The following SMURF1 variants were observed in gnomAD, a reference collection of about 807,000 sequenced individuals.
The protein encoded by SMURF1 is SMAD specific E3 ubiquitin protein ligase 1.
In SMURF1, 44 loss-of-function variants were observed where a neutral mutation model predicts 98.0. That is an observed-to-expected ratio of 0.45 (90% CI 0.35 to 0.58). The LOEUF is 0.58. Ranked by LOEUF, SMURF1 falls within the 20% of genes least tolerant of loss-of-function variation. The probability of loss-of-function intolerance (pLI) is 0.00; values close to 1 mark genes in which losing one functional copy is unlikely to be tolerated. For synonymous variants in SMURF1, 396 were observed against 374.9 expected, an observed-to-expected ratio of 1.06 and a Z score of -0.65; for missense variants, 687 against 938.4, an observed-to-expected ratio of 0.73 and a Z score of 3.50.
intron 1 of SMURF1, among the ~76,000 whole-genome samples, chr7:99,133,450 T>C (rs1797918426): frequency 6.6e-6 from 1 of 151,280 alleles, no homozygotes; most frequent in Non-Finnish European, 1.5e-5. Context: ...AAAAAGAAAG[T>C]AGAACCACAA....
Position 99,052,195 on chromosome 7 carries a change from A to G in SMURF1, c.721+10T>C. The G allele has an allele frequency of 1.3e-6, 2 of 1,531,948 alleles. No homozygotes were observed. Among genetic ancestry groups the G allele is most frequent in the Non-Finnish European group, 1.8e-6 (2 of 1,137,420 alleles). The allele number at this position is 1,531,948 out of a possible 1,614,324, so 94.9% of individuals were successfully genotyped here. A position where few individuals can be genotyped will look rare whatever the true frequency, so the allele number is the denominator to read the frequency against. The stretch of plus-strand genomic sequence containing the variant: ...GATGGCATTGGCCACAGCAGGATAC[A>G]TTCTCTCACCGTAGCCTTCGGGCAG... On this transcript the variant is annotated intron_variant, in intron 7 of 17. Transcript: ENST00000361368.
chr7:99,136,070 C>T (rs550418085), intron 1 of SMURF1, among the ~76,000 whole-genome samples: 1 of 152,216 alleles, frequency 6.6e-6, no homozygotes, highest in Non-Finnish European at 1.5e-5. Context: ...GCGGCATATA[C>T]TTGCAGTCCC....
At chr7:99,096,324 T>C (rs552305335) in intron 1 of SMURF1, among the ~76,000 whole-genome samples, 44 of 152,216 alleles carry the variant, frequency 2.9e-4, no homozygotes, top group Non-Finnish European at 5.3e-4. Context: ...TGAGCTCAAC[T>C]AGGTCAATGC....
At chr7:99,040,677 G>A (rs1004822158) in intron 12 of SMURF1, 121 bp from the exon 13 acceptor site, 2 of 866,300 alleles carry the variant, frequency 2.3e-6, no homozygotes, top group Non-Finnish European at 3.1e-6. Context: ...TACTGACTCA[G>A]GGACTCACAG....
At position 99,065,157 on chromosome 7, in the gene SMURF1, G is replaced by T. The variant is rs563258567; in HGVS notation, c.56-3320C>A. On this transcript the variant is annotated intron_variant, in intron 1 of 17. Transcript: ENST00000361368. ...CGCCCAGGCTGGAGTGCAGTGGTGC[G>T]ATCACAGCTCACTGCAGCCTTGAGC... Among the ~76,000 whole-genome samples the T allele has an allele frequency of 4.0e-5, 6 of 151,494 alleles. No homozygotes were observed. In the East Asian group the frequency reaches 1.2e-3, roughly 29 times the overall value.
intron 1 of SMURF1, among the ~76,000 whole-genome samples, chr7:99,107,291 C>T (rs1797214533): frequency 6.6e-6 from 1 of 152,188 alleles, no homozygotes; most frequent in African/African-American, 2.4e-5. Context: ...TTATTTGTAA[C>T]TCAAAGGATA....
chr7:99,048,907 A>G (rs976643380), intron 9 of SMURF1: 1 of 152,328 alleles, frequency 6.6e-6, no homozygotes, highest in Non-Finnish European at 1.5e-5. Context: ...CCTGGCCAAC[A>G]TGGCAAAATC....
chr7:99,137,736 C>T (rs567497133), intron 1 of SMURF1, among the ~76,000 whole-genome samples: 2 of 152,348 alleles, frequency 1.3e-5, no homozygotes, highest in South Asian at 2.1e-4. Flanking sequence ...GAGTGGGGCG[C>T]GTCACCAGAC....
chr7:99,138,299 T>C (rs2150653969), intron 1 of SMURF1, among the ~76,000 whole-genome samples: 1 of 152,302 alleles, frequency 6.6e-6, no homozygotes, highest in East Asian at 1.9e-4. Flanking sequence ...AAACGCACAA[T>C]TCAGCTATTT....
chr7:99,074,444 T>G (rs1236996222), intron 1 of SMURF1, among the ~76,000 whole-genome samples: 2 of 152,172 alleles, frequency 1.3e-5, no homozygotes, highest in Non-Finnish European at 2.9e-5. Context: ...GATAGCCTTG[T>G]CTAGACTGGA....
Position 99,057,447 on chromosome 7 carries a change from T to C in SMURF1, c.308A>G (p.Asn103Ser), listed in dbSNP as rs143438168. The C allele has an allele frequency of 6.2e-7, 1 of 1,607,994 alleles. No homozygotes were observed. The change falls in exon 4 of 18, where the codon AAT (asparagine) becomes AGT (serine). Residue 103 changes from asparagine (N) to serine (S), a missense_variant. Asn to Ser is a conservative substitution (Grantham distance 46). Transcript: ENST00000361368. ...GFLGCVRLLSNAISRLKDTGY... is the reference protein window; with the variant it reads ...GFLGCVRLLSSAISRLKDTGY... ...GGTATCTTTTAATCTGCTGATGGCA[T>C]TGGAGAGCAGCCGCACACAGCCCAG...
intron 3 of SMURF1, among the ~76,000 whole-genome samples, 171 bp from the exon 4 acceptor site, chr7:99,057,722 C>T (rs963369640): frequency 3.3e-5 from 5 of 151,850 alleles, no homozygotes; most frequent in South Asian, 2.1e-4. Context: ...CTCAGCCTCC[C>T]GAGTAGCTGG....
At chr7:99,059,889 G>A (rs1016979295) in intron 3 of SMURF1, among the ~76,000 whole-genome samples, 3 of 144,742 alleles carry the variant, frequency 2.1e-5, no homozygotes, top group Admixed American at 7.1e-5. Flanking sequence ...TAGCCTGGGC[G>A]ACAAAGCAAG....
chr7:99,091,689 C>G (rs1234253559), intron 1 of SMURF1, among the ~76,000 whole-genome samples: 1 of 152,118 alleles, frequency 6.6e-6, no homozygotes. Flanking sequence ...CTGGCTTCTA[C>G]CCTAGTCTTA....
At chr7:99,143,211 G>A (rs1184388603) in intron 1 of SMURF1, among the ~76,000 whole-genome samples, 4 of 136,026 alleles carry the variant, frequency 2.9e-5, no homozygotes, top group Admixed American at 2.2e-4. Context: ...GGGGAGGAAA[G>A]GTGGGGAAGA....
At chr7:99,033,005 G>A (rs1408102443) in intron 17 of SMURF1, 32 bp downstream of exon 17, 1 of 1,599,068 alleles carries the variant, frequency 6.3e-7, no homozygotes, top group East Asian at 2.2e-5. Flanking sequence ...GGGGCTCCCA[G>A]GACGCCGTGA....
chr7:99,108,364 CT>C lies in SMURF1; in HGVS notation c.55+35361del, dbSNP rs538540146. On this transcript the variant is annotated intron_variant, in intron 1 of 17. Transcript: ENST00000361368. ...GTGGCTCACGCTTGTAATCCCAGCA[CT>C]TTGGGAGGCCGAGGCGGGCAGATTA... 6.6e-5 allele frequency among the ~76,000 whole-genome samples: 10 copies of C among 151,804 alleles called. No homozygotes were observed. The East Asian group carries it at 1.8e-3, about 27-fold the overall frequency.
chr7:99,104,923 T>C (rs1231772292), intron 1 of SMURF1, among the ~76,000 whole-genome samples: 1 of 152,190 alleles, frequency 6.6e-6, no homozygotes, highest in Non-Finnish European at 1.5e-5. Flanking sequence ...TTTTCCCAAG[T>C]TTGGTGCCCA....
At chr7:99,120,301 T>A (rs1348252945) in intron 1 of SMURF1, among the ~76,000 whole-genome samples, 1 of 152,178 alleles carries the variant, frequency 6.6e-6, no homozygotes, top group Non-Finnish European at 1.5e-5. Context: ...TATTTCTTTA[T>A]AGTAATGCAG....
Sources: gnomAD v4.1 joint callset for allele counts (sites outside exome capture counted in the v4.1 genomes callset) on GRCh38, gnomAD v4.1.1 for gene constraint, MANE v1.5 for transcripts, NCBI Gene and HGNC (gene_info 2026-07-23, HGNC 2026-07-21) for gene names.